HSPB7: variants seen among roughly 807,000 people sequenced by gnomAD.
HSPB7 encodes heat shock protein family B (small) member 7.
In HSPB7, 9 loss-of-function variants were observed where a neutral mutation model predicts 11.0. That is an observed-to-expected ratio of 0.82 (90% confidence interval 0.49 to 1.43). HSPB7 has a LOEUF of 1.43. Ranked by LOEUF, HSPB7 falls within the 40% of genes most tolerant of loss-of-function variation. The pLI is 0.00. For missense variants in HSPB7, 246 were observed against 243.9 expected, an observed-to-expected ratio of 1.01 and a Z score of -0.06; for synonymous variants, 102 against 101.6, an observed-to-expected ratio of 1.00 and a Z score of -0.02.
rs1280039361 is a variant in HSPB7, at chr1:16,015,596, G to A, written c.497C>T (p.Thr166Met). ...GAGAGGCACTCAGATTTTGATCTCC[G>A]TCCGGAAGGTCTGCTGGACGTGTTC... Reference protein sequence around the residue: ...HTEHVQQTFRTEIKI With the variant: ...HTEHVQQTFRMEIKI Residue 166 changes from threonine to methionine, a missense_variant, in exon 3 of 3, where the codon ACG becomes ATG. Thr to Met is a moderately conservative substitution (Grantham distance 81). Coordinates refer to ENST00000311890, the MANE Select transcript of HSPB7 (RefSeq NM_014424.5). The surrounding 1 kb of genome is among the most constrained non-coding windows in gnomAD (Gnocchi z 4.9). 5 of 1,614,104 alleles carry A rather than the reference G, an allele frequency of 3.1e-6. No individual in the cohort carries two copies. The highest frequency in any genetic ancestry group is 2.2e-5 in the South Asian group (2 of 91,082).
At chr1:16,018,053 C>A (rs1298144263), upstream of HSPB7, 1 of 1,601,140 alleles carries the variant, frequency 6.2e-7, no homozygotes, top group Non-Finnish European at 8.5e-7. Context: ...TGCCAGGCTC[C>A]GACTGCGGCC....
At chr1:16,018,606 G>T (rs1302632557), upstream of HSPB7, 7 of 1,042,050 alleles carry the variant, frequency 6.7e-6, no homozygotes, top group Non-Finnish European at 8.1e-6. Flanking sequence ...CCCCCATGGG[G>T]ACCTGGATTC....
chr1:16,019,480 GTTCTTGAAGACGGGCAGT>G, upstream of HSPB7: 1 of 1,538,830 alleles, frequency 6.5e-7, no homozygotes, highest in Non-Finnish European at 8.8e-7. Flanking sequence ...TAGATTGAAG[GTTCTTGAAGACGGGCAGT>G]TTCTCTTTTG....
At position 16,017,784 on chromosome 1, in the gene HSPB7, C is replaced by T. The variant is rs141346392; in HGVS notation, c.180G>A (p.Ser60=). 6.7e-5 allele frequency: 107 copies of T among 1,607,258 alleles called. No individual in the cohort carries two copies. Among genetic ancestry groups the T allele is most frequent in the Non-Finnish European group, 8.1e-5 (95 of 1,177,040 alleles). The change falls in exon 1 of 3, where the codon TCG becomes TCA. Residue 60 remains serine (S), a synonymous_variant. Transcript: ENST00000311890. ...ACTTGCCTGGGAAGGCCAGGGGCTC[C>T]GAGTGGGGCCGCATGAAGCTGCCAA... The part of the protein sequence containing the change: ...DDFGSFMRPH[S]EPLAFPARPG...
Position 16,015,600 on chromosome 1 carries a change from G to T in HSPB7, c.493C>A (p.Arg165=), listed in dbSNP as rs758535730. Residue 165 remains arginine (R), a synonymous_variant, in exon 3 of 3, where the codon CGG becomes AGG. Coordinates refer to ENST00000311890, the MANE Select transcript of HSPB7 (RefSeq NM_014424.5). The surrounding 1 kb of genome is among the most constrained non-coding windows in gnomAD (Gnocchi z 4.9). ...PHTEHVQQTF[R]TEIKI ...GGCACTCAGATTTTGATCTCCGTCCGGAAGGTCTGCTGGACGTGTTCTGTA... is the reference window on the plus strand; with the variant it reads ...GGCACTCAGATTTTGATCTCCGTCCTGAAGGTCTGCTGGACGTGTTCTGTA... The T allele has an allele frequency of 2.5e-6, 4 of 1,613,954 alleles. No individual in the cohort carries two copies. Among genetic ancestry groups the T allele is most frequent in the Non-Finnish European group, 3.4e-6 (4 of 1,179,976 alleles).
rs140061259 is a variant in HSPB7 at position 16,015,928 on chromosome 1, G to A, written c.334-169C>T. Among the ~76,000 whole-genome samples the A allele has an allele frequency of 1.3e-5, 2 of 152,360 alleles. No homozygotes were observed. Among genetic ancestry groups the A allele is most frequent in the East Asian group, 3.9e-4 (2 of 5,172 alleles). On this transcript the variant is annotated intron_variant, in intron 2 of 2. Transcript: ENST00000311890. The surrounding 1 kb of genome is among the most constrained non-coding windows in gnomAD (Gnocchi z 4.9). ...GGGTGGTGATGGCCACAGGCCAAAGGCTCTGCAGGGACAGCGCAGGGGTGC... is the reference window on the plus strand; with the variant it reads ...GGGTGGTGATGGCCACAGGCCAAAGACTCTGCAGGGACAGCGCAGGGGTGC...
upstream of HSPB7, chr1:16,018,560 C>A: frequency 5.6e-6 from 6 of 1,064,426 alleles, no homozygotes; most frequent in Non-Finnish European, 6.8e-6. Context: ...TTGAGCCCTG[C>A]CAGGGGGTGT....
At chr1:16,016,052 G>T (rs2021695069) in intron 2 of HSPB7, among the ~76,000 whole-genome samples, 1 of 152,254 alleles carries the variant, frequency 6.6e-6, no homozygotes, top group South Asian at 2.1e-4. Context: ...CTCCGAATCT[G>T]GGGCTCCTGG....
Position 16,015,664 on chromosome 1 carries a change from C to A in HSPB7, c.429G>T (p.Glu143Asp), listed in dbSNP as rs538235428. 15 of 1,613,710 alleles carry A rather than the reference C, an allele frequency of 9.3e-6. No individual in the cohort carries two copies. The South Asian group carries it at 1.6e-4, about 18-fold the overall frequency. ...DPTSVTSALR[E>D]DGSLTIRARR... ...GTGCCCGGATAGTGAGGCTGCCGTC[C>A]TCCCGCAGAGCCGAGGTCACCGACG... Residue 143 changes from glutamate (E) to aspartate (D), a missense_variant, in exon 3 of 3, where the codon GAG becomes GAT. Glu to Asp is a conservative substitution (Grantham distance 45). Coordinates refer to ENST00000311890, the MANE Select transcript of HSPB7 (RefSeq NM_014424.5). The surrounding 1 kb of genome is among the most constrained non-coding windows in gnomAD (Gnocchi z 4.9).
At chr1:16,016,492 C>G (rs893698799) in intron 2 of HSPB7, among the ~76,000 whole-genome samples, 1 of 152,218 alleles carries the variant, frequency 6.6e-6, no homozygotes, top group African/African-American at 2.4e-5. Flanking sequence ...ACCCAGTGAC[C>G]CTGAGACCTG....
chr1:16,018,126 G>A (rs1270780644), upstream of HSPB7: 4 of 1,548,552 alleles, frequency 2.6e-6, no homozygotes, highest in Non-Finnish European at 3.5e-6. Flanking sequence ...CTAAATTTAG[G>A]CCTCTCCATG....
upstream of HSPB7, chr1:16,019,174 C>A (rs1485743996): frequency 1.9e-6 from 3 of 1,550,580 alleles, no homozygotes; most frequent in Admixed American, 2.0e-5. Flanking sequence ...GAGAGGCGGC[C>A]AGGCCCTCTG....
rs762958256 is a variant in HSPB7, at chr1:16,015,699, C to T, written c.394G>A (p.Val132Met). 3.7e-5 allele frequency: 60 copies of T among 1,612,000 alleles called. No individual in the cohort carries two copies. Among genetic ancestry groups the T allele is most frequent in the Non-Finnish European group, 2.2e-5 (26 of 1,179,010 alleles). ...FAHKCQLPED[V>M]DPTSVTSALR... is the part of the protein sequence containing the mutation. Reference sequence around the variant, plus strand: ...GCCGAGGTCACCGACGTCGGGTCCACGTCCTCCGGCAGCTGGCACTTGTGA... The same window carrying T: ...GCCGAGGTCACCGACGTCGGGTCCATGTCCTCCGGCAGCTGGCACTTGTGA... Residue 132 changes from valine to methionine, a missense_variant, in exon 3 of 3, where the codon GTG (valine) becomes ATG (methionine). Physicochemically the swap from Val to Met is conservative, Grantham distance 21. Transcript: ENST00000311890. This position sits in a 1 kb window ranked among gnomAD's most constrained non-coding sequence, Gnocchi z 4.9.
Position 16,015,776 on chromosome 1 carries a change from C to T in HSPB7, c.334-17G>A. On this transcript the variant is annotated splice_polypyrimidine_tract_variant and intron_variant, in intron 2 of 2. Coordinates refer to ENST00000311890, the MANE Select transcript of HSPB7 (RefSeq NM_014424.5). The surrounding 1 kb of genome is among the most constrained non-coding windows in gnomAD (Gnocchi z 4.9). ...AGCCGCCAGCTGGGGAAGGGGTGAC[C>T]CGTCAGGCAGGCTGCCCCGACCCCT... is the stretch of plus-strand genomic sequence containing the variant. 6.4e-7 allele frequency: 1 copy of T among 1,562,472 alleles called. No homozygotes were observed. Among genetic ancestry groups the T allele is most frequent in the Non-Finnish European group, 8.7e-7 (1 of 1,152,594 alleles).
chr1:16,016,982 G>C, intron 2 of HSPB7, 92 bp downstream of exon 2: 8 of 1,329,862 alleles, frequency 6.0e-6, no homozygotes, highest in Non-Finnish European at 8.4e-6. Context: ...CACTGGCCAG[G>C]GTCTGGGGTC....
intron 2 of HSPB7, 152 bp downstream of exon 2, chr1:16,016,922 C>T: frequency 1.3e-6 from 1 of 754,910 alleles, no homozygotes; most frequent in Non-Finnish European, 2.1e-6. Flanking sequence ...CCATGGGTTG[C>T]AGGGACAAGG....
At chr1:16,018,751 C>CT, upstream of HSPB7, 1 of 1,063,232 alleles carries the variant, frequency 9.4e-7, no homozygotes, top group Non-Finnish European at 1.1e-6. Context: ...GAGGTGATGC[C>CT]TGCGAGCGCC....
At chr1:16,017,633 G>A in intron 1 of HSPB7, 132 bp downstream of exon 1, 4 of 725,490 alleles carry the variant, frequency 5.5e-6, no homozygotes, top group South Asian at 3.7e-5. Context: ...CTGTCTTGGT[G>A]GCCACACATG....
At chr1:16,018,733 C>G (rs187412313), upstream of HSPB7, 31 of 1,049,034 alleles carry the variant, frequency 3.0e-5, no homozygotes, top group Admixed American at 9.5e-4. Context: ...TGCTCCATCT[C>G]TGTGTCAGAG....
Sources: gnomAD v4.1 joint callset for allele counts (sites outside exome capture counted in the v4.1 genomes callset) on GRCh38, gnomAD v4.1.1 for gene constraint, Gnocchi (gnomAD v3.1) non-coding constraint, MANE v1.5 for transcripts, NCBI Gene and HGNC (gene_info 2026-07-23, HGNC 2026-07-21) for gene names.